The following SYNE2 variants were observed in gnomAD, a reference collection of about 807,000 sequenced individuals.
The protein encoded by SYNE2 is spectrin repeat containing nuclear envelope protein 2.
In SYNE2, 431 loss-of-function variants were observed where a neutral mutation model predicts 856.3. The observed-to-expected ratio is 0.50, with a 90% CI of 0.47 to 0.55. The LOEUF (loss-of-function observed/expected upper bound fraction) is 0.55, where lower values mean the gene tolerates loss of function less well. SYNE2 is among the 20% of genes least tolerant of loss of function. The pLI, the probability that SYNE2 is intolerant of heterozygous loss-of-function variation, is 0.00. For synonymous variants in SYNE2, 2,923 were observed against 2,872.3 expected (o/e 1.02, Z -0.56); for missense variants, 8,129 against 8,023.2 (o/e 1.01, Z -0.50).
intron 13 of SYNE2, 42 bp downstream of exon 13, chr14:63,978,059 G>A (rs148773662): frequency 2.8e-5 from 36 of 1,303,234 alleles, no homozygotes; most frequent in Middle Eastern, 3.7e-4. Context: ...CACTATTCAC[G>A]TTTGAGTAAC....
rs542971221 is a variant in SYNE2 at position 63,987,400 on chromosome 14, T to C, written c.2313+783T>C. ...TCTTTATTCTCAGGCAGTCAACTCA[T>C]TGAAAGGCAGTGAGGCAAGAGTGTG... On this transcript the variant is annotated intron_variant, in intron 19 of 115. Transcript: ENST00000555002. Among the ~76,000 whole-genome samples the C allele has an allele frequency of 5.2e-4, 79 of 152,342 alleles. 1 individual carries two copies. The South Asian group carries it at 6.6e-3, about 13-fold the overall frequency.
chr14:64,210,602 G>C (rs1486915699), intron 103 of SYNE2, among the ~76,000 whole-genome samples: 1 of 152,186 alleles, frequency 6.6e-6, no homozygotes, highest in East Asian at 1.9e-4. Flanking sequence ...ATTATTCTCT[G>C]AATTTCAGAG....
Position 63,986,618 on chromosome 14 carries a change from G to GT in SYNE2, c.2313+2dup. On this transcript the variant is annotated splice_donor_variant, in intron 19 of 115. Transcript: ENST00000555002. LOFTEE classifies it high-confidence loss of function. ...CACCTCAATGGAAGAATCTTTGAAG[G>GT]TATGTGTGTAAAAGTATTAAGAGGG... 6.2e-7 allele frequency: 1 copy of GT among 1,613,968 alleles called. No individual in the cohort carries two copies. The highest frequency in any genetic ancestry group is 8.5e-7 in the Non-Finnish European group (1 of 1,179,900).
rs142696751 is a variant in SYNE2, at chr14:63,988,143, G to A, written c.2313+1526G>A. On this transcript the variant is annotated intron_variant, in intron 19 of 115. Coordinates refer to ENST00000555002, the MANE Select transcript of SYNE2 (RefSeq NM_182914.3). ...CTGTCACCCAGGCTGGAGTACAGTG[G>A]CACAACCATGGCTCACTCGACCTCC... Among the ~76,000 whole-genome samples the A allele has an allele frequency of 2.6e-4, 40 of 152,214 alleles. No individual in the cohort carries two copies. In the East Asian group the frequency reaches 7.6e-3, roughly 29 times the overall value.
chr14:63,936,235 A>G (rs868804945), intron 2 of SYNE2, among the ~76,000 whole-genome samples: 1 of 152,176 alleles, frequency 6.6e-6, no homozygotes, highest in Non-Finnish European at 1.5e-5. Context: ...AAGCTTTTCT[A>G]GGCACTTGGG....
At position 64,142,432 on chromosome 14, in the gene SYNE2, T is replaced by C. The variant is rs188913295; in HGVS notation, c.15306+344T>C. On this transcript the variant is annotated intron_variant, in intron 82 of 115. Transcript: ENST00000555002. Reference sequence around the variant, plus strand: ...TTCTTGGTGCTCTCCCTTATCATCCTGTGTACATGCTGCACCCTCTACCTG... The same window carrying C: ...TTCTTGGTGCTCTCCCTTATCATCCCGTGTACATGCTGCACCCTCTACCTG... Among the ~76,000 whole-genome samples the C allele has an allele frequency of 2.0e-3, 298 of 152,302 alleles. 1 individual carries two copies. The highest frequency in any genetic ancestry group is 6.7e-3 in the African/African-American group (277 of 41,576).
chr14:63,763,577 T>C (rs1886570766), intron 1 of SYNE2, among the ~76,000 whole-genome samples: 1 of 152,086 alleles, frequency 6.6e-6, no homozygotes, highest in Non-Finnish European at 1.5e-5. Context: ...CCAGCCATCA[T>C]GATGGCTCAG....
intron 59 of SYNE2, 123 bp from the exon 60 acceptor site, chr14:64,090,743 C>A: frequency 1.1e-6 from 1 of 879,942 alleles, no homozygotes; most frequent in Non-Finnish European, 1.7e-6. Context: ...TCAATCTGAG[C>A]TAAGAAATTA....
At chr14:64,220,735 GC>G (rs1322543406) in intron 111 of SYNE2, 98 bp downstream of exon 111, 8 of 1,371,184 alleles carry the variant, frequency 5.8e-6, no homozygotes, top group Non-Finnish European at 8.1e-6. Context: ...CTTCCGTGCA[GC>G]CAAATGTGGC....
chr14:64,069,685 C>A (rs1019837601), intron 51 of SYNE2, among the ~76,000 whole-genome samples: 1 of 152,174 alleles, frequency 6.6e-6, no homozygotes, highest in Non-Finnish European at 1.5e-5. Context: ...GATTGAACAA[C>A]TTGACCTTTA....
At chr14:64,006,012 T>C (rs951289155) in intron 30 of SYNE2, among the ~76,000 whole-genome samples, 2 of 152,112 alleles carry the variant, frequency 1.3e-5, no homozygotes, top group Non-Finnish European at 2.9e-5. Context: ...AAAGAGGAAG[T>C]GACCAAATGT....
chr14:64,180,459 T>C (rs1474047029), intron 96 of SYNE2, among the ~76,000 whole-genome samples: 3 of 152,210 alleles, frequency 2.0e-5, no homozygotes, highest in Non-Finnish European at 4.4e-5. Context: ...TGGTATATAT[T>C]TCCCTTTGGT....
At chr14:64,102,094 A>T in intron 64 of SYNE2, 52 bp downstream of exon 64, 1 of 1,283,684 alleles carries the variant, frequency 7.8e-7, no homozygotes, top group Non-Finnish European at 1.1e-6. Flanking sequence ...CCCAGGGGGG[A>T]GCAGGGATCT....
At chr14:64,175,319 C>T (rs1327061157) in intron 95 of SYNE2, among the ~76,000 whole-genome samples, 181 bp downstream of exon 95, 2 of 152,130 alleles carry the variant, frequency 1.3e-5, no homozygotes, top group African/African-American at 4.8e-5. Flanking sequence ...ATTGCAAGAG[C>T]TCAATGTTTA....
intron 17 of SYNE2, 87 bp downstream of exon 17, chr14:63,982,881 T>C: frequency 7.3e-7 from 1 of 1,368,678 alleles, no homozygotes; most frequent in South Asian, 1.2e-5. Context: ...AACCAATTGA[T>C]TTCTGGTATA....
intron 45 of SYNE2, among the ~76,000 whole-genome samples, chr14:64,045,250 T>A (rs950730424): frequency 2.0e-5 from 3 of 152,234 alleles, no homozygotes; most frequent in Non-Finnish European, 2.9e-5. Context: ...AAGAATCCTT[T>A]TTCTGACTAC....
intron 1 of SYNE2, among the ~76,000 whole-genome samples, chr14:63,883,065 A>G (rs1275654965): frequency 6.8e-6 from 1 of 146,934 alleles, no homozygotes; most frequent in Non-Finnish European, 1.5e-5. Flanking sequence ...CATTTTATTT[A>G]TTTATTTTTT....
At chr14:64,002,132 A>AGATTTAAAAATCCATAAG in intron 29 of SYNE2, 51 bp downstream of exon 29, 2 of 1,394,934 alleles carry the variant, frequency 1.4e-6, no homozygotes, top group Non-Finnish European at 1.0e-6. Context: ...GAGTCTTTTG[A>AGATTTAAAAATCCATAAG]GATTTATAAA....
chr14:64,103,420 T>C (rs2097750406), intron 64 of SYNE2, among the ~76,000 whole-genome samples: 2 of 151,722 alleles, frequency 1.3e-5, no homozygotes, highest in Admixed American at 6.6e-5. Flanking sequence ...GTCTTTTTAC[T>C]CCTTATGACA....
Sources: allele counts gnomAD v4.1 joint callset (sites outside exome capture counted in the v4.1 genomes callset), GRCh38; gene constraint gnomAD v4.1.1; transcripts MANE v1.5; gene names NCBI Gene and HGNC (gene_info 2026-07-23, HGNC 2026-07-21).